Variants in STARD5 observed in about 807,000 individuals in gnomAD.
STARD5 encodes the protein StAR related lipid transfer domain containing 5.
A neutral mutation model predicts 24.6 loss-of-function variants in STARD5; 26 were observed. The ratio of observed to expected loss-of-function variants is 1.06; its 90% CI spans 0.77 to 1.47. STARD5 has a LOEUF of 1.47. Among genes scored for constraint, STARD5 ranks in the 40% most tolerant of loss-of-function variants. STARD5 has a pLI of 0.00. For synonymous variants in STARD5, 101 were observed against 99.7 expected (o/e 1.01, Z -0.07); for missense variants, 254 against 270.8 (o/e 0.94, Z 0.44).
intron 3 of STARD5, among the ~76,000 whole-genome samples, chr15:81,320,499 A>G (rs1187208237): frequency 1.3e-5 from 2 of 152,208 alleles, no homozygotes; most frequent in African/African-American, 2.4e-5. Flanking sequence ...AAAGCACAGC[A>G]TATGCCCATT....
intron 5 of STARD5, among the ~76,000 whole-genome samples, chr15:81,316,028 C>T (rs911232610): frequency 2.6e-5 from 4 of 152,190 alleles, no homozygotes; most frequent in Admixed American, 2.6e-4. Flanking sequence ...CCTAGCCTCT[C>T]CTCTTGCTAA....
At chr15:81,319,870 T>C (rs1327181460) in intron 3 of STARD5, among the ~76,000 whole-genome samples, 1 of 152,100 alleles carries the variant, frequency 6.6e-6, no homozygotes, top group African/African-American at 2.4e-5. Flanking sequence ...ACGAAGCTCA[T>C]GGTGGAGATA....
At chr15:81,313,552 C>T in intron 5 of STARD5, 149 bp from the exon 6 acceptor site, 1 of 602,462 alleles carries the variant, frequency 1.7e-6, no homozygotes, top group Non-Finnish European at 2.5e-6. Flanking sequence ...ACCCAGGAGT[C>T]CTCTCTGGAC....
Position 81,309,098 on chromosome 15 carries a change from A to G in STARD5, c.*4158T>C, listed in dbSNP as rs1900722412. ...TGGATTTATTAGAATTTCATATGAC[A>G]TTCATGCCTGGCTTCGCAAAATGTT... On this transcript the variant is annotated 3_prime_UTR_variant, in exon 6 of 6. Transcript: ENST00000302824. The G allele has an allele frequency of 6.6e-6, 2 of 303,474 alleles. No individual in the cohort carries two copies. The highest frequency in any genetic ancestry group is 1.2e-5 in the Non-Finnish European group (2 of 164,922). The allele number at this position is 303,474 out of a possible 1,614,324, so 18.8% of individuals were successfully genotyped here.
intron 3 of STARD5, among the ~76,000 whole-genome samples, chr15:81,320,507 A>G (rs1901174441): frequency 6.6e-6 from 1 of 152,200 alleles, no homozygotes; most frequent in Admixed American, 6.5e-5. Context: ...GCATATGCCC[A>G]TTCATCTAGA....
intron 5 of STARD5, chr15:81,314,174 G>T (rs953279223): frequency 4.0e-5 from 6 of 151,604 alleles, no homozygotes; most frequent in Non-Finnish European, 8.8e-5. Context: ...GCCCTATGAA[G>T]CCCTCAAATA....
chr15:81,321,548 T>C (rs1893292495), intron 3 of STARD5, among the ~76,000 whole-genome samples: 1 of 150,484 alleles, frequency 6.6e-6, no homozygotes, highest in African/African-American at 2.5e-5. Flanking sequence ...AGGCAGAGGC[T>C]GCAGTGAGCC....
At chr15:81,315,788 G>A (rs1043509657) in intron 5 of STARD5, among the ~76,000 whole-genome samples, 4 of 152,162 alleles carry the variant, frequency 2.6e-5, no homozygotes, top group African/African-American at 9.7e-5. Context: ...GGCGGGATGG[G>A]CAGGGGTTGG....
At chr15:81,317,674 A>G (rs1170767135) in intron 5 of STARD5, among the ~76,000 whole-genome samples, 1 of 152,190 alleles carries the variant, frequency 6.6e-6, no homozygotes, top group Non-Finnish European at 1.5e-5. Flanking sequence ...GTAGAAGGAC[A>G]GACCCCTTCC....
rs1329515918 is a variant in STARD5 at position 81,320,615 on chromosome 15, C to T, written c.283-1159G>A. Among the ~76,000 whole-genome samples, 7 of 152,298 alleles carry T rather than the reference C, an allele frequency of 4.6e-5. No homozygotes were observed. The East Asian group carries it at 1.4e-3, about 29-fold the overall frequency. The stretch of plus-strand genomic sequence containing the variant: ...GGCAATATGTAATCAAGGCAGTACA[C>T]ACTGGTATTAGAATTTCATGTTTTT... On this transcript the variant is annotated intron_variant, in intron 3 of 5. Transcript: ENST00000302824.
In STARD5 at chr15:81,311,606, GC is replaced by G. The variant is rs1008700613; in HGVS notation, c.*1649del. ...ACTTGGCTACACAGGGATGTACAAG[GC>G]GATCCCATCTTGATAAGACCACCAC... is the stretch of plus-strand genomic sequence containing the variant. On this transcript the variant is annotated 3_prime_UTR_variant, in exon 6 of 6. Coordinates refer to ENST00000302824, the MANE Select transcript of STARD5 (RefSeq NM_181900.3). 19 of 152,218 alleles carry G rather than the reference GC, an allele frequency of 1.2e-4. No individual in the cohort carries two copies. The highest frequency in any genetic ancestry group is 4.6e-4 in the African/African-American group (19 of 41,442). The allele number at this position is 152,218 out of a possible 1,614,324, so 9.4% of individuals were successfully genotyped here.
intron 5 of STARD5, among the ~76,000 whole-genome samples, chr15:81,316,883 C>T (rs770754457): frequency 3.9e-5 from 6 of 152,014 alleles, no homozygotes; most frequent in Non-Finnish European, 8.8e-5. Flanking sequence ...TTTGTGGGAC[C>T]CCAACCACCC....
At chr15:81,322,706 G>A in intron 2 of STARD5, 166 bp from the exon 3 acceptor site, 3 of 1,296,474 alleles carry the variant, frequency 2.3e-6, no homozygotes, top group South Asian at 2.8e-5. Context: ...CTTCAGGCCT[G>A]CAGAAATGGA....
chr15:81,322,801 G>A, intron 2 of STARD5, 98 bp downstream of exon 2: 1 of 1,498,542 alleles, frequency 6.7e-7, no homozygotes, highest in Non-Finnish European at 9.3e-7. Flanking sequence ...GTGATCACAG[G>A]TTATAGGGTT....
At chr15:81,320,634 T>A (rs1901176809) in intron 3 of STARD5, among the ~76,000 whole-genome samples, 1 of 152,204 alleles carries the variant, frequency 6.6e-6, no homozygotes, top group South Asian at 2.1e-4. Flanking sequence ...TAGAATTTCA[T>A]GTTTTTCCCT....
intron 5 of STARD5, 196 bp from the exon 6 acceptor site, chr15:81,313,599 G>T: frequency 2.4e-6 from 1 of 415,992 alleles, no homozygotes; most frequent in East Asian, 3.8e-5. Flanking sequence ...TCCTGTCGGG[G>T]ATGCATTCCA....
intron 4 of STARD5, 138 bp downstream of exon 4, chr15:81,319,201 A>G: frequency 2.6e-6 from 2 of 781,224 alleles, no homozygotes; most frequent in Admixed American, 3.9e-5. Context: ...CCCAAACCCA[A>G]CCAGATGAGG....
At position 81,322,459 on chromosome 15, in the gene STARD5, C is replaced by T. The variant is rs758275463; in HGVS notation, c.231G>A (p.Val77=). The T allele has an allele frequency of 6.2e-7, 1 of 1,614,250 alleles. No homozygotes were observed. The highest frequency in any genetic ancestry group is 1.7e-5 in the Admixed American group (1 of 60,020). ...CVKPAVGGLR[V]KWDENVTGFE... is the part of the protein sequence containing the mutation. Reference sequence around the variant, plus strand: ...AACCGGTCACATTCTCATCCCACTTCACTCGTAGGCCTCCAACAGCTGGCT... The same window carrying T: ...AACCGGTCACATTCTCATCCCACTTTACTCGTAGGCCTCCAACAGCTGGCT... The change falls in exon 3 of 6, where the codon GTG becomes GTA. Residue 77 remains valine, a synonymous_variant. Coordinates refer to ENST00000302824, the MANE Select transcript of STARD5 (RefSeq NM_181900.3).
intron 1 of STARD5, 117 bp from the exon 2 acceptor site, chr15:81,323,065 G>T: frequency 1.8e-6 from 2 of 1,095,008 alleles, no homozygotes; most frequent in Non-Finnish European, 2.7e-6. Context: ...ACTCTCCAAG[G>T]CTGTGCAACC....
Sources: allele counts gnomAD v4.1 joint callset (sites outside exome capture counted in the v4.1 genomes callset), GRCh38; gene constraint gnomAD v4.1.1; transcripts MANE v1.5; gene names NCBI Gene and HGNC (gene_info 2026-07-23, HGNC 2026-07-21).